HS6ST3: variants seen among roughly 807,000 people sequenced by gnomAD.
HS6ST3 encodes heparan sulfate 6-O-sulfotransferase 3.
HS6ST3 carries 12 observed loss-of-function variants against 36.7 expected under a neutral mutation model. The observed-to-expected ratio is 0.33, with a 90% CI of 0.21 to 0.53. The LOEUF (loss-of-function observed/expected upper bound fraction) is 0.53, where lower values mean the gene tolerates loss of function less well. Ranked by LOEUF, HS6ST3 falls within the 20% of genes least tolerant of loss-of-function variation. The pLI is 0.95. For synonymous variants in HS6ST3, 240 were observed against 257.5 expected (o/e 0.93, Z 0.65); for missense variants, 584 against 640.9 (o/e 0.91, Z 0.96).
chr13:96,122,082 C>T (rs980645238), intron 1 of HS6ST3, among the ~76,000 whole-genome samples: 1 of 149,458 alleles, frequency 6.7e-6, no homozygotes, highest in Admixed American at 6.7e-5. Flanking sequence ...GCTAGTACTT[C>T]CTTTAATCAT....
chr13:96,784,781 T>C (rs1042906420), intron 1 of HS6ST3, among the ~76,000 whole-genome samples: 1 of 152,170 alleles, frequency 6.6e-6, no homozygotes, highest in Admixed American at 6.5e-5. Flanking sequence ...AATGAAGTAA[T>C]AGAAACAGTG....
intron 1 of HS6ST3, among the ~76,000 whole-genome samples, chr13:96,536,375 C>T (rs1291111436): frequency 6.6e-6 from 1 of 152,148 alleles, no homozygotes; most frequent in East Asian, 1.9e-4. Context: ...CCTCTGGCTG[C>T]ATTTACAAAT....
At chr13:96,137,583 G>A (rs2054008941) in intron 1 of HS6ST3, among the ~76,000 whole-genome samples, 1 of 151,954 alleles carries the variant, frequency 6.6e-6, no homozygotes, top group South Asian at 2.1e-4. Flanking sequence ...ACAGGCATGT[G>A]CCACCACACC....
intron 1 of HS6ST3, among the ~76,000 whole-genome samples, chr13:96,685,949 AC>A (rs1874767202): frequency 6.6e-6 from 1 of 152,102 alleles, no homozygotes. Context: ...ACAGTGACAG[AC>A]AAAATCACAG....
intron 1 of HS6ST3, among the ~76,000 whole-genome samples, chr13:96,693,002 T>G (rs1169575226): frequency 6.6e-6 from 1 of 152,194 alleles, no homozygotes; most frequent in Non-Finnish European, 1.5e-5. Context: ...ATTTGAGAAC[T>G]TAAGTTTCAC....
At chr13:96,798,081 C>A (rs922851090) in intron 1 of HS6ST3, among the ~76,000 whole-genome samples, 5 of 152,116 alleles carry the variant, frequency 3.3e-5, no homozygotes, top group Non-Finnish European at 5.9e-5. Flanking sequence ...TTTCTTAGAG[C>A]AGCTCACAGA....
Position 96,090,921 on chromosome 13 carries a change from T to C in HS6ST3, c.59T>C (p.Val20Ala). 1.3e-6 allele frequency: 2 copies of C among 1,513,732 alleles called. No individual in the cohort carries two copies. Among genetic ancestry groups the C allele is most frequent in the Non-Finnish European group, 8.9e-7 (1 of 1,126,392 alleles). The allele number at this position is 1,513,732 out of a possible 1,614,324, so 93.8% of individuals were successfully genotyped here. Reference sequence around the variant, plus strand: ...CCGGTGCTCACTCTCCTCTTCGTGGTCATCATGTACCAGTACGTGTCCCCC... The same window carrying C: ...CCGGTGCTCACTCTCCTCTTCGTGGCCATCATGTACCAGTACGTGTCCCCC... ...LTPVLTLLFV[V>A]IMYQYVSPSC... is the part of the protein sequence containing the mutation. The change falls in exon 1 of 2, where the codon GTC becomes GCC. Residue 20 changes from valine to alanine, a missense_variant. Val to Ala is a moderately conservative substitution (Grantham distance 64). Around this residue, in one of 3 missense-constraint regions of HS6ST3, gnomAD observed 217 missense variants for 205.4 expected, o/e 1.06. Coordinates refer to ENST00000376705, the MANE Select transcript of HS6ST3 (RefSeq NM_153456.4).
chr13:96,474,539 C>T (rs1334434804), intron 1 of HS6ST3, among the ~76,000 whole-genome samples: 1 of 152,134 alleles, frequency 6.6e-6, no homozygotes, highest in African/African-American at 2.4e-5. Flanking sequence ...GTATGCATTA[C>T]CACATCAATA....
chr13:96,502,960 G>C (rs1047862336), intron 1 of HS6ST3, among the ~76,000 whole-genome samples: 7 of 152,078 alleles, frequency 4.6e-5, no homozygotes, highest in African/African-American at 1.7e-4. Flanking sequence ...CTGTCAAGTG[G>C]GAATTCCTGA....
intron 1 of HS6ST3, chr13:96,574,499 A>G (rs1207754743): frequency 1.4e-5 from 6 of 425,088 alleles, no homozygotes; most frequent in Non-Finnish European, 2.5e-5. Flanking sequence ...TACAATCATT[A>G]CTCCTGACAC....
chr13:96,187,903 T>TC (rs1284723290), intron 1 of HS6ST3, among the ~76,000 whole-genome samples: 2 of 152,154 alleles, frequency 1.3e-5, no homozygotes, highest in Non-Finnish European at 2.9e-5. Context: ...TTTAAATGAA[T>TC]CTCCTTAAGA....
intron 1 of HS6ST3, among the ~76,000 whole-genome samples, chr13:96,548,606 A>G (rs1393827614): frequency 6.6e-6 from 1 of 152,144 alleles, no homozygotes; most frequent in African/African-American, 2.4e-5. Flanking sequence ...CTGTCTACCT[A>G]TGTGTATGTC....
At chr13:96,512,956 T>C (rs1320412756) in intron 1 of HS6ST3, among the ~76,000 whole-genome samples, 1 of 152,032 alleles carries the variant, frequency 6.6e-6, no homozygotes, top group Non-Finnish European at 1.5e-5. Context: ...TGCTCAAAAC[T>C]TTTAAGGACG....
At chr13:96,681,128 G>A (rs958195455) in intron 1 of HS6ST3, among the ~76,000 whole-genome samples, 1 of 152,112 alleles carries the variant, frequency 6.6e-6, no homozygotes, top group Admixed American at 6.6e-5. Context: ...GTTTTCACTC[G>A]AAGAAGAGTG....
At chr13:96,683,221 C>T (rs1309511838) in intron 1 of HS6ST3, among the ~76,000 whole-genome samples, 2 of 152,010 alleles carry the variant, frequency 1.3e-5, no homozygotes, top group Non-Finnish European at 2.9e-5. Flanking sequence ...TATAACTGCT[C>T]CCATTAAATC....
intron 1 of HS6ST3, among the ~76,000 whole-genome samples, chr13:96,172,437 G>T (rs1320778011): frequency 1.3e-5 from 2 of 152,150 alleles, no homozygotes; most frequent in Non-Finnish European, 2.9e-5. Context: ...TGTACAGTTT[G>T]AGAATCACTA....
chr13:96,519,619 C>T (rs184057449), intron 1 of HS6ST3, among the ~76,000 whole-genome samples: 258 of 152,274 alleles, frequency 1.7e-3, no homozygotes, highest in African/African-American at 5.9e-3. Flanking sequence ...TTGGAAAGAC[C>T]TTTATTTGCC....
intron 1 of HS6ST3, among the ~76,000 whole-genome samples, chr13:96,673,377 T>C (rs1312938386): frequency 6.6e-6 from 1 of 152,202 alleles, no homozygotes; most frequent in Non-Finnish European, 1.5e-5. Context: ...GGGTAGCTAT[T>C]ATTCAGCCAT....
intron 1 of HS6ST3, among the ~76,000 whole-genome samples, chr13:96,396,415 G>C (rs761958799): frequency 6.6e-6 from 1 of 151,922 alleles, no homozygotes; most frequent in East Asian, 1.9e-4. Context: ...TCTTCCCTTT[G>C]AAAAATTCTA....
Sources: allele counts gnomAD v4.1 joint callset (sites outside exome capture counted in the v4.1 genomes callset), GRCh38; gene constraint gnomAD v4.1.1; regional missense constraint gnomAD v4.1.1; transcripts MANE v1.5; gene names NCBI Gene and HGNC (gene_info 2026-07-23, HGNC 2026-07-21).